Variants in GLIS3 observed in about 807,000 individuals in gnomAD.
GLIS3 encodes the protein zinc finger protein GLIS3.
GLIS3 carries 53 observed loss-of-function variants against 78.6 expected under a neutral mutation model. That is an observed-to-expected ratio of 0.67 (90% CI 0.54 to 0.85). The LOEUF (loss-of-function observed/expected upper bound fraction) is 0.85. Ranked by LOEUF, GLIS3 falls within the 40% of genes least tolerant of loss-of-function variation. GLIS3 has a pLI of 0.00. For synonymous variants in GLIS3, 684 were observed against 509.9 expected, an observed-to-expected ratio of 1.34 and a Z score of -4.60; for missense variants, 1,703 against 1,231.1, an observed-to-expected ratio of 1.38 and a Z score of -5.74.
intron 6 of GLIS3, among the ~76,000 whole-genome samples, chr9:3,918,295 G>C (rs142413291): frequency 2.0e-5 from 3 of 152,204 alleles, no homozygotes; most frequent in South Asian, 2.1e-4. Context: ...ACTCCACCTT[G>C]AGAGGCAATT....
At chr9:4,176,678 T>G (rs1172496457) in intron 2 of GLIS3, among the ~76,000 whole-genome samples, 2 of 152,180 alleles carry the variant, frequency 1.3e-5, no homozygotes, top group African/African-American at 4.8e-5. Flanking sequence ...GGCTACAGTG[T>G]AATGGTGCCA....
the GLIS3 span, among the ~76,000 whole-genome samples, chr9:4,453,392 C>T: frequency 6.8e-6 from 1 of 147,846 alleles, no homozygotes; most frequent in Non-Finnish European, 1.5e-5. Context: ...AATGAACAGG[C>T]TACCTACAGA....
At chr9:4,206,332 A>C (rs1241970487) in intron 2 of GLIS3, among the ~76,000 whole-genome samples, 1 of 152,224 alleles carries the variant, frequency 6.6e-6, no homozygotes, top group African/African-American at 2.4e-5. Context: ...AAAATTACTA[A>C]AAGACTGGCT....
chr9:4,260,535 C>G (rs1038110099), intron 2 of GLIS3, among the ~76,000 whole-genome samples: 6 of 150,780 alleles, frequency 4.0e-5, no homozygotes, highest in Non-Finnish European at 5.9e-5. Flanking sequence ...CCACTGAACT[C>G]CAGCCTGGGC....
At chr9:4,379,291 C>G in the GLIS3 span, among the ~76,000 whole-genome samples, 1 of 152,216 alleles carries the variant, frequency 6.6e-6, no homozygotes, top group African/African-American at 2.4e-5. Context: ...CCTCTTGAAC[C>G]TGGTGCCTTC....
intron 2 of GLIS3, among the ~76,000 whole-genome samples, chr9:4,135,832 TTC>T (rs1484668959): frequency 1.3e-5 from 2 of 152,172 alleles, no homozygotes; most frequent in Non-Finnish European, 2.9e-5. Context: ...GGTCATCAAA[TTC>T]TCTCACCTTT....
chr9:3,829,339 C>G lies in GLIS3; in HGVS notation c.2627G>C (p.Arg876Thr). The G allele has an allele frequency of 1.2e-6, 2 of 1,614,040 alleles. No individual in the cohort carries two copies. Among genetic ancestry groups the G allele is most frequent in the Non-Finnish European group, 1.7e-6 (2 of 1,179,986 alleles). ...AATGCCCGAGTGAGTCGAGAAGGCT[C>G]TGTGGAAAACATCAAAACTGGCCTG... Reference protein sequence around the residue: ...MGQASFDVFHRAFSTHSGITV... With the variant: ...MGQASFDVFHTAFSTHSGITV... The change falls in exon 10 of 11, where the codon AGA becomes ACA. Residue 876 changes from arginine to threonine, a missense_variant. Transcript: ENST00000381971.
the GLIS3 span, among the ~76,000 whole-genome samples, chr9:4,387,390 C>G: frequency 1.3e-5 from 2 of 152,104 alleles, no homozygotes; most frequent in Non-Finnish European, 2.9e-5. Context: ...CAGTTACCAT[C>G]ATTTTGGGTT....
At chr9:4,396,504 A>T in the GLIS3 span, among the ~76,000 whole-genome samples, 8 of 152,194 alleles carry the variant, frequency 5.3e-5, no homozygotes, top group African/African-American at 1.9e-4. Context: ...AATAATGACA[A>T]TGTAACTCTG....
chr9:3,917,656 T>C (rs1824611037), intron 6 of GLIS3, among the ~76,000 whole-genome samples: 1 of 152,092 alleles, frequency 6.6e-6, no homozygotes, highest in African/African-American at 2.4e-5. Flanking sequence ...TTGTCATCTA[T>C]TGGTTTCAAG....
intron 8 of GLIS3, among the ~76,000 whole-genome samples, chr9:3,867,298 C>G (rs1478692318): frequency 6.6e-6 from 1 of 152,164 alleles, no homozygotes; most frequent in African/African-American, 2.4e-5. Context: ...AATCACTAGA[C>G]TGGTAAAAAG....
chr9:4,049,877 G>A (rs899781449), intron 4 of GLIS3, among the ~76,000 whole-genome samples: 1 of 151,964 alleles, frequency 6.6e-6, no homozygotes, highest in African/African-American at 2.4e-5. Context: ...TCAGAGAAAT[G>A]CAAATCAAAA....
rs1364165080 is a variant in GLIS3 at position 3,956,043 on chromosome 9, A to G, written c.1711-18854T>C. On this transcript the variant is annotated intron_variant, in intron 4 of 10. Coordinates refer to ENST00000381971, the MANE Select transcript of GLIS3 (RefSeq NM_001042413.2). ...CCAGATTCAGCAAAAAAAAAAAAAAAAAAAAGAAAGAAAAAAAGAAAAGAA... is the reference window on the plus strand; with the variant it reads ...CCAGATTCAGCAAAAAAAAAAAAAAGAAAAAGAAAGAAAAAAAGAAAAGAA... Among the ~76,000 whole-genome samples the G allele has an allele frequency of 1.4e-3, 205 of 151,630 alleles. 1 individual carries two copies. Among genetic ancestry groups the G allele is most frequent in the African/African-American group, 4.7e-3 (196 of 41,432 alleles).
intron 4 of GLIS3, among the ~76,000 whole-genome samples, chr9:3,953,795 C>CTCTCTCTCTCTATATATATATATA (rs1403671770): frequency 2.7e-5 from 2 of 73,340 alleles, no homozygotes; most frequent in African/African-American, 1.1e-4. Flanking sequence ...CTCTCTCTCT[C>CTCTCTCTCTCTATATATATATATA]TATATATATA....
At chr9:4,129,701 T>C (rs1292811805) in intron 2 of GLIS3, among the ~76,000 whole-genome samples, 1 of 152,170 alleles carries the variant, frequency 6.6e-6, no homozygotes, top group Non-Finnish European at 1.5e-5. Flanking sequence ...CTTTTCTTTA[T>C]AAATTAGCCA....
intron 9 of GLIS3, chr9:3,855,454 T>G (rs576626614): frequency 6.7e-5 from 11 of 165,062 alleles, no homozygotes; most frequent in African/African-American, 9.6e-5. Flanking sequence ...AAAGTATGTT[T>G]TATTCACAGA....
chr9:4,378,123 G>A, the GLIS3 span, among the ~76,000 whole-genome samples: 2 of 152,084 alleles, frequency 1.3e-5, no homozygotes, highest in Admixed American at 6.6e-5. Flanking sequence ...ATATACAAAT[G>A]CTAATTATTA....
intron 2 of GLIS3, among the ~76,000 whole-genome samples, chr9:4,199,241 A>C (rs913237991): frequency 8.6e-5 from 13 of 151,748 alleles, no homozygotes; most frequent in Non-Finnish European, 1.6e-4. Context: ...ATGGCCTAAA[A>C]CCCCCCACTT....
intron 2 of GLIS3, among the ~76,000 whole-genome samples, chr9:4,207,129 G>C (rs1819951180): frequency 6.6e-6 from 1 of 152,170 alleles, no homozygotes; most frequent in Non-Finnish European, 1.5e-5. Context: ...ATAATGGTAT[G>C]TGGAGAATAA....
Sources: allele counts gnomAD v4.1 joint callset (sites outside exome capture counted in the v4.1 genomes callset), GRCh38; gene constraint gnomAD v4.1.1; transcripts MANE v1.5; gene names NCBI Gene and HGNC (gene_info 2026-07-23, HGNC 2026-07-21).